The following TMIE variants were observed in gnomAD, a reference collection of about 807,000 sequenced individuals.
TMIE encodes the protein transmembrane inner ear.
TMIE carries 14 observed loss-of-function variants against 16.8 expected under a neutral mutation model. The observed-to-expected ratio is 0.83, with a 90% confidence interval of 0.55 to 1.30. The LOEUF is 1.30. Ranked by LOEUF, TMIE falls within the 50% of genes most tolerant of loss-of-function variation. The pLI is 0.00. For synonymous variants in TMIE, 75 were observed against 87.2 expected, an observed-to-expected ratio of 0.86 and a Z score of 0.78; for missense variants, 204 against 205.9, an observed-to-expected ratio of 0.99 and a Z score of 0.06.
intron 2 of TMIE, among the ~76,000 whole-genome samples, chr3:46,707,347 C>A (rs1426391212): frequency 1.3e-5 from 2 of 152,232 alleles, no homozygotes; most frequent in Non-Finnish European, 2.9e-5. Context: ...TGGACATCAA[C>A]CACACAGACC....
chr3:46,704,473 G>T (rs1700520918), intron 1 of TMIE, among the ~76,000 whole-genome samples: 1 of 140,314 alleles, frequency 7.1e-6, no homozygotes, highest in Non-Finnish European at 1.5e-5. Flanking sequence ...CCCAGGGCAG[G>T]ACCATGTCCC....
intron 2 of TMIE, among the ~76,000 whole-genome samples, chr3:46,706,170 C>T (rs188453098): frequency 2.0e-5 from 3 of 152,314 alleles, no homozygotes; most frequent in Admixed American, 2.0e-4. Flanking sequence ...CTCCACTGAA[C>T]CAAGGACTGG....
intron 1 of TMIE, among the ~76,000 whole-genome samples, chr3:46,705,581 C>T (rs1488949840): frequency 6.6e-6 from 1 of 152,244 alleles, no homozygotes; most frequent in Non-Finnish European, 1.5e-5. Context: ...ACCACCCTCC[C>T]ACTTCAAGTA....
In TMIE at chr3:46,706,755, G is replaced by C. The variant is rs540097513; in HGVS notation, c.211+848G>C. Among the ~76,000 whole-genome samples, 444 of 152,336 alleles carry C rather than the reference G, an allele frequency of 2.9e-3. 4 individuals are homozygous for C. The highest frequency in any genetic ancestry group is 0.01 in the African/African-American group (417 of 41,570). On this transcript the variant is annotated intron_variant, in intron 2 of 3. Coordinates refer to ENST00000643606, the MANE Select transcript of TMIE (RefSeq NM_147196.3). ...GGAGGGAAGGCTGGAAAGGCATTCC[G>C]GGAGAGGGGATGTGAGCAGAGGCTG...
At position 46,710,129 on chromosome 3, in the gene TMIE, A is replaced by G; in HGVS notation, c.*441A>G. ...TGAGGCCACACCCAGAGTAGCCATG[A>G]GGAGGCAGAGAGGGTCACTGGGGGA... On this transcript the variant is annotated 3_prime_UTR_variant, in exon 4 of 4. Coordinates refer to ENST00000643606, the MANE Select transcript of TMIE (RefSeq NM_147196.3). 1 of 273,496 alleles carries G rather than the reference A, an allele frequency of 3.7e-6. No homozygotes were observed. Among genetic ancestry groups the G allele is most frequent in the Admixed American group, 4.6e-5 (1 of 21,788 alleles). The allele number at this position is 273,496 out of a possible 1,614,324, so 16.9% of individuals were successfully genotyped here.
upstream of TMIE, among the ~76,000 whole-genome samples, chr3:46,698,356 T>G (rs1195208099): frequency 6.6e-6 from 1 of 152,106 alleles, no homozygotes; most frequent in African/African-American, 2.4e-5. Flanking sequence ...TGCTGAGTTT[T>G]TATACAGTGT....
At chr3:46,709,326 T>C in intron 3 of TMIE, 51 bp downstream of exon 3, 1 of 1,613,002 alleles carries the variant, frequency 6.2e-7, no homozygotes. Context: ...TCCTCAGTCC[T>C]GCTGCCTGGA....
At chr3:46,699,822 CT>C (rs1277446251), upstream of TMIE, among the ~76,000 whole-genome samples, 2 of 152,220 alleles carry the variant, frequency 1.3e-5, no homozygotes, top group African/African-American at 2.4e-5. Flanking sequence ...GCCTGTCCTG[CT>C]AAGGAGAGCC....
At chr3:46,707,051 A>G (rs556549860) in intron 2 of TMIE, among the ~76,000 whole-genome samples, 1 of 152,212 alleles carries the variant, frequency 6.6e-6, no homozygotes, top group African/African-American at 2.4e-5. Context: ...CCCGCCCCCC[A>G]TCTGAGCAAG....
At chr3:46,701,383 A>ACCCGTGGCCAAAG (rs1454980252), upstream of TMIE, 3 of 826,938 alleles carry the variant, frequency 3.6e-6, no homozygotes, top group Non-Finnish European at 3.5e-6. The surrounding 1 kb of genome is among the most constrained non-coding windows in gnomAD (Gnocchi z 4.3). Flanking sequence ...CTCGCTGACT[A>ACCCGTGGCCAAAG]CCCGTGGCCA....
At chr3:46,705,973 G>C in intron 2 of TMIE, 66 bp downstream of exon 2, 1 of 1,527,054 alleles carries the variant, frequency 6.5e-7, no homozygotes, top group East Asian at 2.3e-5. Flanking sequence ...CTGCCCCCCA[G>C]AGGGCTCAGA....
Position 46,705,771 on chromosome 3 carries a change from C to A in TMIE, c.94-19C>A. 1 of 1,611,996 alleles carries A rather than the reference C, an allele frequency of 6.2e-7. No individual in the cohort carries two copies. The highest frequency in any genetic ancestry group is 1.1e-5 in the South Asian group (1 of 91,060). On this transcript the variant is annotated intron_variant, in intron 1 of 3. Coordinates refer to ENST00000643606, the MANE Select transcript of TMIE (RefSeq NM_147196.3). ...AGCTGGCCTCTGCCTAACTCACTCC[C>A]CTCTCTCCTGACCCACAGCCCAGCA... is the stretch of plus-strand genomic sequence containing the variant.
chr3:46,701,588 C>A lies in TMIE; in HGVS notation c.93+8C>A, dbSNP rs1200133328. ...GCCGGGCAGCTGGTGGAGGTGAGGC[C>A]GCGGCACGGAGGGACTGGGGAGGCT... On this transcript the variant is annotated splice_region_variant and intron_variant, in intron 1 of 3. Coordinates refer to ENST00000643606, the MANE Select transcript of TMIE (RefSeq NM_147196.3). This position sits in a 1 kb window ranked among gnomAD's most constrained non-coding sequence, Gnocchi z 4.3. 4 of 1,280,546 alleles carry A rather than the reference C, an allele frequency of 3.1e-6. No individual in the cohort carries two copies. Among genetic ancestry groups the A allele is most frequent in the Non-Finnish European group, 2.9e-6 (3 of 1,017,028 alleles). 79.3% of individuals were successfully genotyped at this position (1,280,546 alleles called of 1,614,324 possible).
At chr3:46,695,090 C>T (rs1260613240) in intron 1 of TMIE, among the ~76,000 whole-genome samples, 2 of 152,184 alleles carry the variant, frequency 1.3e-5, no homozygotes, top group African/African-American at 4.8e-5. Flanking sequence ...CCCCAGGCTC[C>T]GGACCTTGGC....
In TMIE at chr3:46,709,750, C is replaced by T. The variant is rs1033069265; in HGVS notation, c.*62C>T. ...GCTCAAGCCGTGGCCGGGGTCCAGG[C>T]ATGTTGGACTCTGAGCTCATTTGGG... On this transcript the variant is annotated 3_prime_UTR_variant, in exon 4 of 4. Transcript: ENST00000643606. 13 of 1,606,726 alleles carry T rather than the reference C, an allele frequency of 8.1e-6. No individual in the cohort carries two copies. The South Asian group carries it at 8.9e-5, about 11-fold the overall frequency.
chr3:46,699,264 G>A (rs890351350), upstream of TMIE, among the ~76,000 whole-genome samples: 1 of 151,936 alleles, frequency 6.6e-6, no homozygotes, highest in East Asian at 1.9e-4. Context: ...TAGAGATGGG[G>A]TTTCTCCATG....
chr3:46,701,427 G>A lies in TMIE; in HGVS notation c.-61G>A. 1 of 1,342,364 alleles carries A rather than the reference G, an allele frequency of 7.4e-7. No homozygotes were observed. Among genetic ancestry groups the A allele is most frequent in the Non-Finnish European group, 9.9e-7 (1 of 1,014,890 alleles). 83.2% of individuals were successfully genotyped at this position (1,342,364 alleles called of 1,614,324 possible). A position where few individuals can be genotyped will look rare whatever the true frequency, so the allele number is the denominator to read the frequency against. Reference sequence around the variant, plus strand: ...GGCCACCGAGCGCCGGCTGGCAGGGGCAGTGACCGGCGGCCGGCCCGTTCG... The same window carrying A: ...GGCCACCGAGCGCCGGCTGGCAGGGACAGTGACCGGCGGCCGGCCCGTTCG... On this transcript the variant is annotated 5_prime_UTR_variant, in exon 1 of 4. Coordinates refer to ENST00000643606, the MANE Select transcript of TMIE (RefSeq NM_147196.3). The surrounding 1 kb of genome is among the most constrained non-coding windows in gnomAD (Gnocchi z 4.3).
At chr3:46,701,382 TACCCGTGGCCAAA>T in exon 1 of TMIE, 1 of 825,292 alleles carries the variant, frequency 1.2e-6, no homozygotes, top group Non-Finnish European at 1.8e-6. This position sits in a 1 kb window ranked among gnomAD's most constrained non-coding sequence, Gnocchi z 4.3. Context: ...GCTCGCTGAC[TACCCGTGGCCAAA>T]GCCCGTGGCC....
At position 46,705,719 on chromosome 3, in the gene TMIE, C is replaced by A. The variant is rs1255972729; in HGVS notation, c.94-71C>A. 3.0e-6 allele frequency: 4 copies of A among 1,334,542 alleles called. No homozygotes were observed. The African/African-American group carries it at 5.8e-5, about 19-fold the overall frequency. 82.7% of individuals were successfully genotyped at this position (1,334,542 alleles called of 1,614,324 possible). A position where few individuals can be genotyped will look rare whatever the true frequency, so the allele number is the denominator to read the frequency against. On this transcript the variant is annotated intron_variant, in intron 1 of 3. Coordinates refer to ENST00000643606, the MANE Select transcript of TMIE (RefSeq NM_147196.3). ...GCTTGGGCTGAGTGTTTGCTGAGAC[C>A]TGGGCCCTTCTCAGCTGGTTCCAGC... is the stretch of plus-strand genomic sequence containing the variant.
Sources: gnomAD v4.1 joint callset for allele counts (sites outside exome capture counted in the v4.1 genomes callset) on GRCh38, gnomAD v4.1.1 for gene constraint, Gnocchi (gnomAD v3.1) non-coding constraint, MANE v1.5 for transcripts, NCBI Gene and HGNC (gene_info 2026-07-23, HGNC 2026-07-21) for gene names.